The following DCLK1 variants were observed in gnomAD, a reference collection of about 807,000 sequenced individuals.
DCLK1 encodes the protein serine/threonine-protein kinase DCLK1.
A neutral mutation model predicts 86.2 loss-of-function variants in DCLK1; 16 were observed. The ratio of observed to expected loss-of-function variants is 0.19; its 90% confidence interval spans 0.13 to 0.28. The LOEUF (loss-of-function observed/expected upper bound fraction) is 0.28. Ranked by LOEUF, DCLK1 falls within the 10% of genes least tolerant of loss-of-function variation. The pLI is 1.00. For missense variants in DCLK1, 590 were observed against 940.2 expected, an observed-to-expected ratio of 0.63 and a Z score of 4.87; for synonymous variants, 369 against 370.5, an observed-to-expected ratio of 1.00 and a Z score of 0.05.
chr13:36,073,510 A>G (rs1884055282), intron 3 of DCLK1, among the ~76,000 whole-genome samples: 1 of 152,202 alleles, frequency 6.6e-6, no homozygotes, highest in African/African-American at 2.4e-5. Context: ...AAAAACAAAA[A>G]AAAACTACCT....
chr13:35,958,284 G>A (rs111205547), intron 3 of DCLK1, among the ~76,000 whole-genome samples: 1,067 of 7,220 alleles, frequency 0.15, 325 homozygotes, highest in African/African-American at 0.27. Flanking sequence ...CACCATCACT[G>A]CCACTATAAC....
intron 11 of DCLK1, among the ~76,000 whole-genome samples, chr13:35,813,149 T>C (rs2087185625): frequency 6.6e-6 from 1 of 152,240 alleles, no homozygotes; most frequent in African/African-American, 2.4e-5. Context: ...AATTGTTTAC[T>C]TCCTTAATTC....
intron 8 of DCLK1, among the ~76,000 whole-genome samples, chr13:35,828,552 G>A (rs1021416647): frequency 5.3e-5 from 8 of 152,136 alleles, no homozygotes; most frequent in African/African-American, 1.9e-4. Context: ...TGCCGTACTT[G>A]TAATAAAAAC....
At chr13:36,131,545 G>T (rs1319720280), upstream of DCLK1, among the ~76,000 whole-genome samples, 1 of 152,034 alleles carries the variant, frequency 6.6e-6, no homozygotes, top group African/African-American at 2.4e-5. Context: ...CCCTCCCAGC[G>T]CCCTCTTCCC....
intron 3 of DCLK1, among the ~76,000 whole-genome samples, chr13:35,949,985 C>T (rs770799151): frequency 4.6e-5 from 7 of 152,170 alleles, no homozygotes; most frequent in Non-Finnish European, 8.8e-5. Context: ...CACCTCAGTG[C>T]CAAGCAACAT....
chr13:35,794,944 G>A (rs1235880240), intron 15 of DCLK1, among the ~76,000 whole-genome samples: 4 of 152,200 alleles, frequency 2.6e-5, no homozygotes, highest in Non-Finnish European at 5.9e-5. Flanking sequence ...CAGAGTGTGG[G>A]AGGAAGATGT....
At chr13:35,827,797 T>C in intron 9 of DCLK1, 43 bp from the exon 10 acceptor site, 1 of 1,607,210 alleles carries the variant, frequency 6.2e-7, no homozygotes, top group Non-Finnish European at 8.5e-7. Flanking sequence ...CCATAAAACA[T>C]GTGGAGGGCT....
intron 3 of DCLK1, among the ~76,000 whole-genome samples, chr13:35,966,960 C>T (rs1413787889): frequency 3.3e-5 from 5 of 151,412 alleles, no homozygotes; most frequent in African/African-American, 7.3e-5. Context: ...TCTGCCTGGC[C>T]GCCCATCGTC....
intron 3 of DCLK1, among the ~76,000 whole-genome samples, chr13:36,013,130 T>C (rs1171410049): frequency 7.8e-6 from 1 of 128,668 alleles, no homozygotes; most frequent in Non-Finnish European, 1.7e-5. Flanking sequence ...TACATTCTTC[T>C]AAATTTTTTT....
At chr13:36,008,631 C>T (rs1462836089) in intron 3 of DCLK1, among the ~76,000 whole-genome samples, 2 of 135,042 alleles carry the variant, frequency 1.5e-5, no homozygotes, top group Non-Finnish European at 3.1e-5. Flanking sequence ...CATTGTTGGA[C>T]ATTTGGGTTG....
chr13:36,062,662 G>A (rs17053383), intron 3 of DCLK1, among the ~76,000 whole-genome samples: 21,809 of 152,046 alleles, frequency 0.14, 1,880 homozygotes, highest in South Asian at 0.37. Context: ...CCAAATAATC[G>A]CTATGAGGAT....
At chr13:35,980,657 C>G (rs1312427075) in intron 3 of DCLK1, among the ~76,000 whole-genome samples, 1 of 152,046 alleles carries the variant, frequency 6.6e-6, no homozygotes, top group Non-Finnish European at 1.5e-5. Flanking sequence ...TGGACGTGGG[C>G]TGGGTGCGGG....
intron 3 of DCLK1, among the ~76,000 whole-genome samples, chr13:35,952,809 G>A (rs1484666094): frequency 2.6e-5 from 4 of 152,118 alleles, no homozygotes; most frequent in Non-Finnish European, 5.9e-5. Context: ...TTTATTGCAT[G>A]AGACTCTATG....
At chr13:35,850,450 C>T in intron 6 of DCLK1, 2 of 1,115,262 alleles carry the variant, frequency 1.8e-6, no homozygotes, top group Non-Finnish European at 2.2e-6. Flanking sequence ...TGAAATTCAT[C>T]TAGAGCCAGG....
At chr13:35,862,593 C>T (rs1871484167) in intron 5 of DCLK1, among the ~76,000 whole-genome samples, 1 of 152,188 alleles carries the variant, frequency 6.6e-6, no homozygotes. Flanking sequence ...CTACAATCTA[C>T]AGCACAAACA....
chr13:36,000,623 A>G (rs1395335481), intron 3 of DCLK1, among the ~76,000 whole-genome samples: 1 of 152,212 alleles, frequency 6.6e-6, no homozygotes, highest in African/African-American at 2.4e-5. Flanking sequence ...ACTTCAAAGT[A>G]TTTGAAAGAT....
chr13:36,052,163 G>T (rs533176881), intron 3 of DCLK1, among the ~76,000 whole-genome samples: 5 of 152,022 alleles, frequency 3.3e-5, no homozygotes, highest in Non-Finnish European at 7.4e-5. Flanking sequence ...TCTCATCACG[G>T]AACTTGCTCT....
At chr13:35,830,651 T>C (rs1868878769) in intron 8 of DCLK1, among the ~76,000 whole-genome samples, 1 of 152,210 alleles carries the variant, frequency 6.6e-6, no homozygotes, top group Non-Finnish European at 1.5e-5. Context: ...ACATGAGCAA[T>C]TTCCTATCTG....
intron 3 of DCLK1, among the ~76,000 whole-genome samples, chr13:36,048,610 C>T (rs1883015055): frequency 6.6e-6 from 1 of 152,108 alleles, no homozygotes; most frequent in African/African-American, 2.4e-5. Flanking sequence ...TATTTGTCAC[C>T]TTAAAACAAA....
Sources: allele counts gnomAD v4.1 joint callset (sites outside exome capture counted in the v4.1 genomes callset), GRCh38; gene constraint gnomAD v4.1.1; transcripts MANE v1.5; gene names NCBI Gene and HGNC (gene_info 2026-07-23, HGNC 2026-07-21).